Variants in NCOR2 observed in about 807,000 individuals in gnomAD.
NCOR2 encodes CTG repeat protein 26.
In NCOR2, 81 loss-of-function variants were observed where a neutral mutation model predicts 262.9. The observed-to-expected ratio is 0.31, with a 90% CI of 0.26 to 0.37. The LOEUF (loss-of-function observed/expected upper bound fraction) is 0.37. Ranked by LOEUF, NCOR2 falls within the 10% of genes least tolerant of loss-of-function variation. The pLI is 1.00. For synonymous variants in NCOR2, 1,659 were observed against 1,559.3 expected (o/e 1.06, Z -1.51); for missense variants, 3,385 against 3,621.4 (o/e 0.93, Z 1.68).
chr12:124,537,741 C>G (rs2137199295), upstream of NCOR2: 1 of 152,426 alleles, frequency 6.6e-6, no homozygotes, highest in East Asian at 1.9e-4. Flanking sequence ...GAGGCCAGCC[C>G]TCTCCAGTGC....
intron 1 of NCOR2, chr12:124,514,008 T>C (rs1340827776): frequency 1.3e-5 from 2 of 152,382 alleles, no homozygotes; most frequent in South Asian, 4.1e-4. Context: ...GTCTCCTAAG[T>C]GCCTGCTACA....
chr12:124,421,201 G>A lies in NCOR2; in HGVS notation c.1384-1146C>T, dbSNP rs114621810. Among the ~76,000 whole-genome samples, 1,093 of 152,296 alleles carry A rather than the reference G, an allele frequency of 7.2e-3. 4 individuals are homozygous for A. Among genetic ancestry groups the A allele is most frequent in the African/African-American group, 0.024 (1,006 of 41,548 alleles). ...TCACTGTCAAGACCTGACTGTCCCC[G>A]CCGGCCTCTCCGTTGGCAGCTCCTG... On this transcript the variant is annotated intron_variant, in intron 12 of 46. Transcript: ENST00000405201.
At chr12:124,498,695 G>A (rs1046420493), upstream of NCOR2, among the ~76,000 whole-genome samples, 1 of 152,154 alleles carries the variant, frequency 6.6e-6, no homozygotes, top group Non-Finnish European at 1.5e-5. Context: ...TGGAAACAGG[G>A]ACTCAAACAA....
At chr12:124,397,460 A>C (rs1351172175) in intron 16 of NCOR2, among the ~76,000 whole-genome samples, 1 of 152,120 alleles carries the variant, frequency 6.6e-6, no homozygotes, top group African/African-American at 2.4e-5. Context: ...CCCAGCCCCC[A>C]CGGTGCTGCA....
chr12:124,372,121 G>T, exon 20 of NCOR2: 1 of 1,601,526 alleles, frequency 6.2e-7, no homozygotes. Context: ...GGCTGTGGTG[G>T]CCCTGCCGCT....
chr12:124,329,262 G>C (rs1158150528), intron 44 of NCOR2: 6 of 410,582 alleles, frequency 1.5e-5, no homozygotes, highest in South Asian at 5.3e-5. Flanking sequence ...AGGAGTTCGA[G>C]ATCAGCCTGG....
At chr12:124,559,844 G>C (rs1435841593) in intron 1 of NCOR2, among the ~76,000 whole-genome samples, 1 of 152,218 alleles carries the variant, frequency 6.6e-6, no homozygotes, top group Non-Finnish European at 1.5e-5. Flanking sequence ...ATGGATTACG[G>C]CTTTGGAAAA....
At chr12:124,502,553 G>A (rs1306111191) in intron 1 of NCOR2, among the ~76,000 whole-genome samples, 2 of 152,188 alleles carry the variant, frequency 1.3e-5, no homozygotes, top group Non-Finnish European at 2.9e-5. Flanking sequence ...CACAGCAGGT[G>A]CAAAGGCCCA....
chr12:124,489,160 C>T (rs1292518607), intron 1 of NCOR2, among the ~76,000 whole-genome samples: 9 of 152,064 alleles, frequency 5.9e-5, no homozygotes, highest in African/African-American at 2.2e-4. Context: ...TGAGGTGGAG[C>T]CCAAGGGGTC....
rs1158042050 is a variant in NCOR2, at chr12:124,432,057, ACACACAGGCGGT to A, written c.883-1282_883-1271del. The stretch of plus-strand genomic sequence containing the variant: ...GTCCATCACACAGGCAGGCAGGCAG[ACACACAGGCGGT>A]CACACAGGCAGGCAGACACACACAC... On this transcript the variant is annotated intron_variant, in intron 8 of 46. Coordinates refer to ENST00000405201, the Ensembl canonical transcript of NCOR2. This position sits in a 1 kb window ranked among gnomAD's most constrained non-coding sequence, Gnocchi z 5.1. Among the ~76,000 whole-genome samples, 1 of 151,910 alleles carries A rather than the reference ACACACAGGCGGT, an allele frequency of 6.6e-6. No individual in the cohort carries two copies. The highest frequency in any genetic ancestry group is 1.5e-5 in the Non-Finnish European group (1 of 67,968).
At chr12:124,363,925 C>T (rs1223269501) in intron 20 of NCOR2, 126 bp from the exon 23 acceptor site, 3 of 753,150 alleles carry the variant, frequency 4.0e-6, no homozygotes, top group African/African-American at 1.8e-5. Flanking sequence ...CCCTGAGACA[C>T]GAGGCGACTG....
chr12:124,400,551 T>C (rs2041940685), exon 15 of NCOR2: 3 of 1,614,210 alleles, frequency 1.9e-6, no homozygotes, highest in Middle Eastern at 3.3e-4. Flanking sequence ...GTTGGCCTCA[T>C]TAGCCATTGA....
chr12:124,355,338 G>A, intron 24 of NCOR2, 94 bp downstream of exon 26: 1 of 1,474,254 alleles, frequency 6.8e-7, no homozygotes, highest in South Asian at 1.2e-5. Context: ...AGGCCCCCGA[G>A]AGCCTGGCCC....
intron 37 of NCOR2, among the ~76,000 whole-genome samples, chr12:124,337,991 G>A (rs1287155594): frequency 1.3e-5 from 2 of 152,242 alleles, no homozygotes; most frequent in East Asian, 3.8e-4. Flanking sequence ...CACAGAGCCT[G>A]TGTGCGGAAC....
chr12:124,537,100 G>C (rs2051136936), upstream of NCOR2, among the ~76,000 whole-genome samples: 1 of 152,162 alleles, frequency 6.6e-6, no homozygotes, highest in Non-Finnish European at 1.5e-5. Flanking sequence ...TTTCACATTT[G>C]TAAAGAGGCC....
At chr12:124,436,196 T>C (rs1370870764) in intron 8 of NCOR2, among the ~76,000 whole-genome samples, 1 of 152,156 alleles carries the variant, frequency 6.6e-6, no homozygotes, top group Non-Finnish European at 1.5e-5. Flanking sequence ...CCATTTCAGT[T>C]CAAGCAGGAC....
intron 39 of NCOR2, 26 bp from the exon 42 acceptor site, chr12:124,335,306 G>T (rs1464462241): frequency 6.4e-7 from 1 of 1,556,104 alleles, no homozygotes; most frequent in Non-Finnish European, 8.7e-7. Context: ...AGCTGGTCAG[G>T]GGGTGTCTGC....
intron 13 of NCOR2, among the ~76,000 whole-genome samples, chr12:124,416,437 C>A (rs75609638): frequency 0.024 from 3,630 of 152,308 alleles, 141 homozygotes; most frequent in African/African-American, 0.083. Flanking sequence ...GCCTGTGGGG[C>A]TGCTCCTCAA....
At chr12:124,498,321 A>G (rs1467348109), upstream of NCOR2, among the ~76,000 whole-genome samples, 1 of 152,162 alleles carries the variant, frequency 6.6e-6, no homozygotes, top group Non-Finnish European at 1.5e-5. Flanking sequence ...ACACCGTCCT[A>G]AAGTGCCCCG....
Sources: allele counts gnomAD v4.1 joint callset (sites outside exome capture counted in the v4.1 genomes callset), GRCh38; gene constraint gnomAD v4.1.1; non-coding constraint Gnocchi (gnomAD v3.1); transcripts MANE v1.5; gene names NCBI Gene and HGNC (gene_info 2026-07-23, HGNC 2026-07-21).